The following PACSIN2 variants were observed in gnomAD, a reference collection of about 807,000 sequenced individuals.
The protein encoded by PACSIN2 is protein kinase C and casein kinase substrate in neurons protein 2.
PACSIN2 carries 25 observed loss-of-function variants against 63.8 expected under a neutral mutation model. That is an observed-to-expected ratio of 0.39 (90% CI 0.29 to 0.55). The LOEUF is 0.55. Among genes scored for constraint, PACSIN2 ranks in the 20% least tolerant of loss-of-function variants. The pLI, the probability that PACSIN2 is intolerant of heterozygous loss-of-function variation, is 0.62. For missense variants in PACSIN2, 518 were observed against 646.9 expected (o/e 0.80, Z 2.16); for synonymous variants, 255 against 256.2 (o/e 1.00, Z 0.05).
rs145399409 is a variant in PACSIN2, at chr22:42,917,785, C to CTTTTCT, written c.-77-5634_-77-5629dup. On this transcript the variant is annotated intron_variant, in intron 1 of 10. Coordinates refer to ENST00000263246, the MANE Select transcript of PACSIN2 (RefSeq NM_001184970.3). The stretch of plus-strand genomic sequence containing the variant: ...TGCATTTCCCTCACTGATTGGTACT[C>CTTTTCT]TTTTCTTTTTCTTTTTCTTTTTAGA... Among the ~76,000 whole-genome samples the CTTTTCT allele has an allele frequency of 4.6e-3, 704 of 152,068 alleles. 1 individual carries two copies. The highest frequency in any genetic ancestry group is 0.015 in the African/African-American group (606 of 41,440).
chr22:42,980,697 C>G (rs1286219122), intron 1 of PACSIN2, among the ~76,000 whole-genome samples: 1 of 107,878 alleles, frequency 9.3e-6, no homozygotes, highest in Admixed American at 1.0e-4. Context: ...CTGTGTTGGC[C>G]GGGCTGGTCT....
At chr22:42,919,726 T>C (rs1180011858) in intron 1 of PACSIN2, among the ~76,000 whole-genome samples, 1 of 131,382 alleles carries the variant, frequency 7.6e-6, no homozygotes, top group Non-Finnish European at 1.5e-5. Flanking sequence ...TGAGCCGAGA[T>C]TGCACCACTG....
intron 1 of PACSIN2, among the ~76,000 whole-genome samples, chr22:42,970,646 C>A (rs1477215505): frequency 6.6e-6 from 1 of 152,062 alleles, no homozygotes; most frequent in East Asian, 1.9e-4. Flanking sequence ...ACGTCCTTTG[C>A]AAAAAGGAGT....
chr22:42,982,887 A>AAAAAAAAAAAAAAAAAAAC lies in PACSIN2; in HGVS notation c.-78+32133_-78+32134insGTTTTTTTTTTTTTTTTTT, dbSNP rs200348918. ...TGATCAATAAAAAAAAAAAAAAAAA[A>AAAAAAAAAAAAAAAAAAAC]AAACAACAACAAGGCTAGGAGCAGT... On this transcript the variant is annotated intron_variant, in intron 1 of 10. Transcript: ENST00000263246. Among the ~76,000 whole-genome samples the AAAAAAAAAAAAAAAAAAAC allele has an allele frequency of 4.2e-4, 55 of 129,546 alleles. 3 individuals are homozygous for AAAAAAAAAAAAAAAAAAAC. The highest frequency in any genetic ancestry group is 7.5e-4 in the Non-Finnish European group (44 of 58,756). 85.0% of individuals were successfully genotyped at this position (129,546 alleles called of 152,430 possible).
At chr22:43,014,528 C>T (rs1924750553) in intron 1 of PACSIN2, among the ~76,000 whole-genome samples, 1 of 151,998 alleles carries the variant, frequency 6.6e-6, no homozygotes, top group South Asian at 2.1e-4. Flanking sequence ...CACGCCTTCC[C>T]TCCAGCGTTG....
chr22:42,886,401 A>C (rs1929478783), intron 5 of PACSIN2, among the ~76,000 whole-genome samples: 1 of 151,120 alleles, frequency 6.6e-6, no homozygotes, highest in African/African-American at 2.4e-5. Flanking sequence ...GCAACCAGTC[A>C]GCAATGGTAT....
chr22:42,971,918 C>A (rs1921339887), intron 1 of PACSIN2, among the ~76,000 whole-genome samples: 1 of 148,508 alleles, frequency 6.7e-6, no homozygotes, highest in South Asian at 2.1e-4. Flanking sequence ...GGCCGCCGCC[C>A]CGTCTGGAAG....
rs1030475976 is a variant in PACSIN2 at position 42,871,865 on chromosome 22, T to C, written c.1349-396A>G. ...TCCCCTCCCCAGGGCCCCGGCCGCCTTGCTCCCAGCAGCTGTCTCTGGGGT... is the reference window on the plus strand; with the variant it reads ...TCCCCTCCCCAGGGCCCCGGCCGCCCTGCTCCCAGCAGCTGTCTCTGGGGT... On this transcript the variant is annotated intron_variant, in intron 10 of 10. Coordinates refer to ENST00000263246, the MANE Select transcript of PACSIN2 (RefSeq NM_001184970.3). This position sits in a 1 kb window ranked among gnomAD's most constrained non-coding sequence, Gnocchi z 5.4. Among the ~76,000 whole-genome samples, 29 of 151,488 alleles carry C rather than the reference T, an allele frequency of 1.9e-4. No individual in the cohort carries two copies. Among genetic ancestry groups the C allele is most frequent in the Admixed American group, 1.8e-3 (27 of 15,150 alleles).
intron 1 of PACSIN2, among the ~76,000 whole-genome samples, chr22:43,013,263 CTG>C (rs1170122349): frequency 1.3e-5 from 2 of 152,360 alleles, no homozygotes; most frequent in South Asian, 2.1e-4. Context: ...ATCTACTTCT[CTG>C]TGTTATGTTA....
intron 7 of PACSIN2, among the ~76,000 whole-genome samples, chr22:42,881,903 G>A (rs1190370216): frequency 2.0e-5 from 3 of 152,140 alleles, no homozygotes; most frequent in African/African-American, 2.4e-5. Flanking sequence ...GACTAGGAAG[G>A]AAGGGAATGC....
rs369262722 is a variant in PACSIN2, at chr22:42,968,689, C to T, written c.-78+46332G>A. Among the ~76,000 whole-genome samples, 36 of 152,232 alleles carry T rather than the reference C, an allele frequency of 2.4e-4. No homozygotes were observed. The East Asian group carries it at 6.9e-3, about 29-fold the overall frequency. On this transcript the variant is annotated intron_variant, in intron 1 of 10. Transcript: ENST00000263246. ...AAGAGCCACCATCAATAAGGGCAGG[C>T]ACCATCCAATCTGCCGGGGGCCTAA...
intron 1 of PACSIN2, among the ~76,000 whole-genome samples, chr22:43,013,983 G>C (rs5759093): frequency 2.0e-5 from 3 of 152,042 alleles, no homozygotes; most frequent in Non-Finnish European, 4.4e-5. Context: ...CCTGTTATAC[G>C]TCAAAGGCTG....
At chr22:42,901,083 A>T (rs1930652434) in intron 2 of PACSIN2, among the ~76,000 whole-genome samples, 1 of 152,136 alleles carries the variant, frequency 6.6e-6, no homozygotes, top group African/African-American at 2.4e-5. Flanking sequence ...GTTGCCAAGG[A>T]TGACCCTGAT....
Position 42,871,909 on chromosome 22 carries a change from C to T in PACSIN2, c.1349-440G>A, listed in dbSNP as rs986480550. Among the ~76,000 whole-genome samples, 5 of 143,004 alleles carry T rather than the reference C, an allele frequency of 3.5e-5. No homozygotes were observed. Among genetic ancestry groups the T allele is most frequent in the African/African-American group, 1.4e-4 (5 of 36,310 alleles). 93.8% of individuals were successfully genotyped at this position (143,004 alleles called of 152,430 possible). A position where few individuals can be genotyped will look rare whatever the true frequency, so the allele number is the denominator to read the frequency against. On this transcript the variant is annotated intron_variant, in intron 10 of 10. Coordinates refer to ENST00000263246, the MANE Select transcript of PACSIN2 (RefSeq NM_001184970.3). The surrounding 1 kb of genome is among the most constrained non-coding windows in gnomAD (Gnocchi z 5.4). ...CTGGGGTCTCTCTGCCTTTGCTAAT[C>T]CCTCTCCTCTGCAACTTCCAGGCTG... is the stretch of plus-strand genomic sequence containing the variant.
intron 1 of PACSIN2, among the ~76,000 whole-genome samples, chr22:42,951,316 T>G (rs1190175753): frequency 6.6e-6 from 1 of 152,104 alleles, no homozygotes; most frequent in Non-Finnish European, 1.5e-5. Context: ...ACCCAATTGG[T>G]GCCCTTATCA....
intron 4 of PACSIN2, 67 bp from the exon 5 acceptor site, chr22:42,888,865 C>T: frequency 6.6e-7 from 1 of 1,523,044 alleles, no homozygotes; most frequent in Admixed American, 1.7e-5. Flanking sequence ...AGAAGTCACA[C>T]AGACCATGGG....
chr22:43,015,092 T>C lies in PACSIN2; in HGVS notation c.-149A>G, dbSNP rs1485083612. 6.6e-6 allele frequency: 1 copy of C among 152,450 alleles called. No individual in the cohort carries two copies. Among genetic ancestry groups the C allele is most frequent in the East Asian group, 1.9e-4 (1 of 5,160 alleles). 9.4% of individuals were successfully genotyped at this position (152,450 alleles called of 1,614,324 possible). A position where few individuals can be genotyped will look rare whatever the true frequency, so the allele number is the denominator to read the frequency against. ...GACCCAGCTCCGGCCGGGCTCCCGC[T>C]ACCGCTTTTGCTCCGGCAGCACTGC... On this transcript the variant is annotated 5_prime_UTR_variant, in exon 1 of 11. Coordinates refer to ENST00000263246, the MANE Select transcript of PACSIN2 (RefSeq NM_001184970.3).
Position 42,986,176 on chromosome 22 carries a change from C to G in PACSIN2, c.-78+28845G>C, listed in dbSNP as rs189546827. ...AAGAAAAGGAAGACCAGGAACTATG[C>G]TAGGAGATTTAAAAGAGGTAAATGA... is the stretch of plus-strand genomic sequence containing the variant. On this transcript the variant is annotated intron_variant, in intron 1 of 10. Coordinates refer to ENST00000263246, the MANE Select transcript of PACSIN2 (RefSeq NM_001184970.3). Among the ~76,000 whole-genome samples, 249 of 152,260 alleles carry G rather than the reference C, an allele frequency of 1.6e-3. 3 individuals are homozygous for G. The highest frequency in any genetic ancestry group is 2.4e-3 in the Non-Finnish European group (163 of 68,012).
intron 1 of PACSIN2, among the ~76,000 whole-genome samples, chr22:42,976,941 T>C (rs1224374291): frequency 6.6e-6 from 1 of 152,222 alleles, no homozygotes; most frequent in East Asian, 1.9e-4. Context: ...GCCGACACAA[T>C]ACCTCATGTT....
Sources: allele counts gnomAD v4.1 joint callset (sites outside exome capture counted in the v4.1 genomes callset), GRCh38; gene constraint gnomAD v4.1.1; non-coding constraint Gnocchi (gnomAD v3.1); transcripts MANE v1.5; gene names NCBI Gene and HGNC (gene_info 2026-07-23, HGNC 2026-07-21).